Variants in GPC6 observed in about 807,000 individuals in gnomAD.
GPC6 encodes glypican-6.
Under a neutral mutation model 55.2 loss-of-function variants are expected in GPC6, and 14 were observed. The ratio of observed to expected loss-of-function variants is 0.25; its 90% CI spans 0.17 to 0.40. The LOEUF (loss-of-function observed/expected upper bound fraction) is 0.40, where lower values mean the gene tolerates loss of function less well. GPC6 is among the 10% of genes least tolerant of loss of function. The pLI is 1.00. For synonymous variants in GPC6, 278 were observed against 259.6 expected, an observed-to-expected ratio of 1.07 and a Z score of -0.68; for missense variants, 641 against 708.5, an observed-to-expected ratio of 0.90 and a Z score of 1.08.
chr13:93,712,702 A>G (rs1007495608), intron 2 of GPC6, among the ~76,000 whole-genome samples: 3 of 151,566 alleles, frequency 2.0e-5, no homozygotes, highest in African/African-American at 7.3e-5. Context: ...TCTTCTGTGT[A>G]TGCCTACCCA....
At chr13:93,965,227 C>T (rs573554574) in intron 3 of GPC6, among the ~76,000 whole-genome samples, 6 of 147,326 alleles carry the variant, frequency 4.1e-5, no homozygotes, top group African/African-American at 7.5e-5. Context: ...CTGGCTAACA[C>T]GGTGAAACCC....
chr13:94,228,416 TG>T (rs946225887), intron 4 of GPC6, among the ~76,000 whole-genome samples: 2 of 152,180 alleles, frequency 1.3e-5, no homozygotes, highest in African/African-American at 4.8e-5. Flanking sequence ...AAGAAGAAGA[TG>T]TTTTTTCATA....
intron 3 of GPC6, among the ~76,000 whole-genome samples, chr13:94,009,804 G>C (rs898301757): frequency 6.6e-6 from 1 of 152,152 alleles, no homozygotes; most frequent in Non-Finnish European, 1.5e-5. Context: ...TACGTTTAAT[G>C]AAGTTTGATA....
At chr13:93,942,209 T>G (rs1171030218) in intron 3 of GPC6, among the ~76,000 whole-genome samples, 1 of 152,252 alleles carries the variant, frequency 6.6e-6, no homozygotes, top group East Asian at 1.9e-4. Context: ...AACAGATTAC[T>G]TTGAAACTTA....
chr13:94,093,102 A>G (rs915360974), intron 4 of GPC6, among the ~76,000 whole-genome samples: 3 of 152,022 alleles, frequency 2.0e-5, no homozygotes, highest in African/African-American at 7.2e-5. Context: ...TTAACTGCAG[A>G]AAGTCTTTAG....
chr13:93,852,059 A>G (rs1888422139), intron 3 of GPC6, among the ~76,000 whole-genome samples: 1 of 151,804 alleles, frequency 6.6e-6, no homozygotes, highest in Non-Finnish European at 1.5e-5. Context: ...GTAGTTGACA[A>G]CAAAAACCTA....
At position 94,237,382 on chromosome 13, in the gene GPC6, T is replaced by C. The variant is rs1157301082; in HGVS notation, c.878-48967T>C. 2.0e-5 allele frequency among the ~76,000 whole-genome samples: 3 copies of C among 152,112 alleles called. No individual in the cohort carries two copies. In the East Asian group the frequency reaches 5.8e-4, roughly 29 times the overall value. On this transcript the variant is annotated intron_variant, in intron 4 of 8. Coordinates refer to ENST00000377047, the MANE Select transcript of GPC6 (RefSeq NM_005708.5). ...ATTCTTCCCACCTGTAAATACTTACTGAGTGCCTCCTTTATGACAACTACA... is the reference window on the plus strand; with the variant it reads ...ATTCTTCCCACCTGTAAATACTTACCGAGTGCCTCCTTTATGACAACTACA...
chr13:93,830,255 G>T lies in GPC6; in HGVS notation c.421G>T (p.Asp141Tyr). ...LYMQNSEVFQ[D>Y]LFTELKRYYT... ...CATGCAGAATTCAGAAGTCTTCCAG[G>T]ACCTCTTCACAGAGCTGAAAAGGTA... is the stretch of plus-strand genomic sequence containing the variant. The change falls in exon 3 of 9, where the codon GAC becomes TAC. Residue 141 changes from aspartate (D) to tyrosine (Y), a missense_variant. Coordinates refer to ENST00000377047, the MANE Select transcript of GPC6 (RefSeq NM_005708.5). The T allele has an allele frequency of 1.2e-6, 2 of 1,611,878 alleles. No individual in the cohort carries two copies. Among genetic ancestry groups the T allele is most frequent in the Non-Finnish European group, 1.7e-6 (2 of 1,178,436 alleles).
intron 1 of GPC6, among the ~76,000 whole-genome samples, chr13:93,517,417 G>T (rs1594230333): frequency 1.3e-5 from 2 of 152,004 alleles, no homozygotes; most frequent in Non-Finnish European, 2.9e-5. Flanking sequence ...AAATTTAATT[G>T]CTTTAATTCT....
At position 94,394,811 on chromosome 13, in the gene GPC6, T is replaced by G. The variant is rs531765521; in HGVS notation, c.1290-3655T>G. On this transcript the variant is annotated intron_variant, in intron 7 of 8. Coordinates refer to ENST00000377047, the MANE Select transcript of GPC6 (RefSeq NM_005708.5). ...ATACGGATGCGCTGTTACTTGTTTTTATTGTAAGCAGCTGAGCATCAGTAG... is the reference window on the plus strand; with the variant it reads ...ATACGGATGCGCTGTTACTTGTTTTGATTGTAAGCAGCTGAGCATCAGTAG... Among the ~76,000 whole-genome samples the G allele has an allele frequency of 6.6e-5, 10 of 152,342 alleles. 1 individual carries two copies. The South Asian group carries it at 2.1e-3, about 32-fold the overall frequency.
intron 2 of GPC6, among the ~76,000 whole-genome samples, chr13:93,700,755 T>G (rs1241903473): frequency 5.9e-5 from 9 of 152,088 alleles, no homozygotes; most frequent in Non-Finnish European, 1.5e-5. Flanking sequence ...AAGTATTTGA[T>G]GCTTAAACCC....
chr13:94,287,168 G>A lies in GPC6; in HGVS notation c.1008+689G>A, dbSNP rs757420614. On this transcript the variant is annotated intron_variant, in intron 5 of 8. Transcript: ENST00000377047. Reference sequence around the variant, plus strand: ...TTGAGAAGTTTGCAGTGGGTCTCCCGCCTCTTCCTTCATCAATCTTTCTCT... The same window carrying A: ...TTGAGAAGTTTGCAGTGGGTCTCCCACCTCTTCCTTCATCAATCTTTCTCT... 4.9e-4 allele frequency among the ~76,000 whole-genome samples: 75 copies of A among 152,178 alleles called. 2 individuals are homozygous for A. The highest frequency in any genetic ancestry group is 1.2e-3 in the South Asian group (6 of 4,820).
At chr13:93,790,631 A>G (rs1264381515) in intron 2 of GPC6, among the ~76,000 whole-genome samples, 1 of 152,220 alleles carries the variant, frequency 6.6e-6, no homozygotes, top group African/African-American at 2.4e-5. Context: ...GTTAAATAAA[A>G]TTTACCATAG....
chr13:94,377,033 T>A, intron 6 of GPC6, among the ~76,000 whole-genome samples: 1 of 151,684 alleles, frequency 6.6e-6, no homozygotes, highest in Admixed American at 6.6e-5. Flanking sequence ...TCCTTACACA[T>A]TATACAAAAA....
intron 2 of GPC6, among the ~76,000 whole-genome samples, chr13:93,631,444 G>A (rs572384803): frequency 3.9e-5 from 6 of 152,240 alleles, no homozygotes; most frequent in African/African-American, 4.8e-5. Context: ...GTTGACTTTC[G>A]ACTTCCAGCC....
chr13:93,528,490 A>G (rs1446407007), intron 1 of GPC6, among the ~76,000 whole-genome samples: 4 of 152,274 alleles, frequency 2.6e-5, no homozygotes, highest in East Asian at 1.9e-4. Context: ...ACTGTTTGCC[A>G]TGGTTTGGCA....
intron 2 of GPC6, among the ~76,000 whole-genome samples, chr13:93,620,047 T>C (rs1019165686): frequency 1.3e-5 from 2 of 151,886 alleles, no homozygotes; most frequent in African/African-American, 4.9e-5. Flanking sequence ...ACTGCTGACT[T>C]ATCATGTAAT....
intron 1 of GPC6, among the ~76,000 whole-genome samples, chr13:93,540,975 T>A (rs1391573741): frequency 6.6e-6 from 1 of 152,166 alleles, no homozygotes; most frequent in African/African-American, 2.4e-5. Flanking sequence ...TCGCTTAACA[T>A]AATGTCTTCC....
chr13:94,118,252 T>A (rs1370757926), intron 4 of GPC6, among the ~76,000 whole-genome samples: 1 of 152,058 alleles, frequency 6.6e-6, no homozygotes, highest in Non-Finnish European at 1.5e-5. Context: ...AGTGAGTGAG[T>A]TCTCACAAGA....
Sources: allele counts gnomAD v4.1 joint callset (sites outside exome capture counted in the v4.1 genomes callset), GRCh38; gene constraint gnomAD v4.1.1; transcripts MANE v1.5; gene names NCBI Gene and HGNC (gene_info 2026-07-23, HGNC 2026-07-21).